PAIP2: variants seen among roughly 807,000 people sequenced by gnomAD.
PAIP2 encodes polyadenylate-binding protein-interacting protein 2.
PAIP2 carries 7 observed loss-of-function variants against 14.8 expected under a neutral mutation model. The observed-to-expected ratio is 0.47, with a 90% CI of 0.27 to 0.89. The LOEUF (loss-of-function observed/expected upper bound fraction) is 0.89. Ranked by LOEUF, PAIP2 falls within the 40% of genes least tolerant of loss-of-function variation. PAIP2 has a pLI of 0.13. For missense variants in PAIP2, 122 were observed against 154.7 expected (o/e 0.79, Z 1.12); for synonymous variants, 47 against 45.3 (o/e 1.04, Z -0.15).
chr5:139,353,695 A>T (rs867609435), intron 1 of PAIP2, among the ~76,000 whole-genome samples: 1 of 151,412 alleles, frequency 6.6e-6, no homozygotes, highest in South Asian at 2.1e-4. Context: ...ACATAGATTT[A>T]TAATTCTTAT....
intron 1 of PAIP2, among the ~76,000 whole-genome samples, chr5:139,360,708 C>T (rs1757043884): frequency 1.3e-5 from 2 of 152,114 alleles, no homozygotes; most frequent in Non-Finnish European, 1.5e-5. Flanking sequence ...AGCGATCCAC[C>T]CCTGTTGACC....
At chr5:139,348,288 G>C (rs1055687258) in intron 1 of PAIP2, among the ~76,000 whole-genome samples, 2 of 151,170 alleles carry the variant, frequency 1.3e-5, no homozygotes, top group African/African-American at 4.9e-5. Context: ...TCCCAGGCTC[G>C]AGCAATTCTC....
chr5:139,366,072 G>A (rs1169230322), intron 3 of PAIP2, among the ~76,000 whole-genome samples: 3 of 152,004 alleles, frequency 2.0e-5, no homozygotes, highest in African/African-American at 2.4e-5. Flanking sequence ...TTGTGGTGGT[G>A]CGTGCCTGTA....
At chr5:139,366,224 A>AT (rs1757243061) in intron 3 of PAIP2, among the ~76,000 whole-genome samples, 1 of 148,478 alleles carries the variant, frequency 6.7e-6, no homozygotes, top group Non-Finnish European at 1.5e-5. Flanking sequence ...AAAAAAAAAA[A>AT]GCGGGGTGGG....
At chr5:139,353,617 C>T (rs1029979112) in intron 1 of PAIP2, among the ~76,000 whole-genome samples, 1 of 151,998 alleles carries the variant, frequency 6.6e-6, no homozygotes, top group African/African-American at 2.4e-5. Flanking sequence ...AATGTAATTA[C>T]AAAATAATTA....
chr5:139,357,506 C>T (rs1028762458), intron 1 of PAIP2, among the ~76,000 whole-genome samples: 16 of 152,156 alleles, frequency 1.1e-4, no homozygotes, highest in African/African-American at 3.9e-4. Flanking sequence ...TTCAGGGAGC[C>T]AGGTCAAAAC....
intron 1 of PAIP2, among the ~76,000 whole-genome samples, chr5:139,357,019 A>G (rs1339178446): frequency 6.6e-6 from 1 of 152,116 alleles, no homozygotes; most frequent in Non-Finnish European, 1.5e-5. Context: ...GTTTAGTAAA[A>G]TTTGTATTCT....
chr5:139,354,638 T>TAC (rs1756852694), intron 1 of PAIP2, among the ~76,000 whole-genome samples: 1 of 152,168 alleles, frequency 6.6e-6, no homozygotes, highest in African/African-American at 2.4e-5. Context: ...CCATTGTATA[T>TAC]ATTTTGGCAC....
chr5:139,349,978 G>C (rs2152046683), intron 1 of PAIP2, among the ~76,000 whole-genome samples: 1 of 152,086 alleles, frequency 6.6e-6, no homozygotes, highest in East Asian at 1.9e-4. Context: ...CTCCAGCCTG[G>C]CGACAGAGTG....
At chr5:139,355,848 C>T (rs1276198389) in intron 1 of PAIP2, among the ~76,000 whole-genome samples, 1 of 150,832 alleles carries the variant, frequency 6.6e-6, no homozygotes, top group Non-Finnish European at 1.5e-5. Context: ...CACAGGGAGA[C>T]TCAGTCTCAA....
At chr5:139,354,099 A>G (rs141429825) in intron 1 of PAIP2, among the ~76,000 whole-genome samples, 154 of 152,332 alleles carry the variant, frequency 1.0e-3, no homozygotes, top group African/African-American at 3.4e-3. Context: ...GACTACCTGT[A>G]TAAGTTACTT....
At chr5:139,366,412 A>G (rs1323235951) in intron 3 of PAIP2, among the ~76,000 whole-genome samples, 1 of 152,198 alleles carries the variant, frequency 6.6e-6, no homozygotes. Context: ...CAGAGGATTT[A>G]TTATACAGCC....
chr5:139,343,708 GTTTTTT>G (rs61419083), intron 1 of PAIP2, among the ~76,000 whole-genome samples: 16 of 130,950 alleles, frequency 1.2e-4, no homozygotes, highest in African/African-American at 4.1e-4. Flanking sequence ...GGCAGAGCAA[GTTTTTT>G]TTTTTTTTTT....
chr5:139,363,379 A>G (rs186612567), intron 1 of PAIP2, among the ~76,000 whole-genome samples: 346 of 152,264 alleles, frequency 2.3e-3, no homozygotes, highest in African/African-American at 7.7e-3. Flanking sequence ...ATCTGCCTCT[A>G]ACACCTATTC....
intron 1 of PAIP2, among the ~76,000 whole-genome samples, chr5:139,351,621 C>A (rs953771913): frequency 6.6e-6 from 1 of 152,054 alleles, no homozygotes; most frequent in Admixed American, 6.6e-5. Context: ...ACGCTTTAGA[C>A]GTTTGTATAC....
intron 1 of PAIP2, among the ~76,000 whole-genome samples, chr5:139,360,968 G>GA (rs1561962851): frequency 6.6e-6 from 1 of 151,448 alleles, no homozygotes; most frequent in Non-Finnish European, 1.5e-5. Flanking sequence ...TTGTAGTAGA[G>GA]ATGGGGTTCT....
intron 1 of PAIP2, among the ~76,000 whole-genome samples, chr5:139,344,331 A>G (rs1030060873): frequency 6.6e-6 from 1 of 152,234 alleles, no homozygotes; most frequent in Admixed American, 6.5e-5. Flanking sequence ...ATTTGAACCT[A>G]CGTCTTCTGA....
chr5:139,359,577 T>C (rs1233312813), intron 1 of PAIP2, among the ~76,000 whole-genome samples: 1 of 152,186 alleles, frequency 6.6e-6, no homozygotes, highest in Non-Finnish European at 1.5e-5. Context: ...TTCCATCCAG[T>C]TGTGAGGCAG....
chr5:139,363,887 A>C lies in PAIP2; in HGVS notation c.103A>C (p.Met35Leu). 1 of 1,613,774 alleles carries C rather than the reference A, an allele frequency of 6.2e-7. No individual in the cohort carries two copies. Among genetic ancestry groups the C allele is most frequent in the Non-Finnish European group, 8.5e-7 (1 of 1,179,770 alleles). The change falls in exon 2 of 4, where the codon ATG (methionine) becomes CTG (leucine). Residue 35 changes from methionine (M) to leucine (L), a missense_variant. Around this residue, in one of 3 missense-constraint regions of PAIP2, gnomAD observed 34 missense variants for 74.0 expected, o/e 0.46. Coordinates refer to ENST00000265192, the MANE Select transcript of PAIP2 (RefSeq NM_016480.5). ...HEDDNPFAEY[M>L]WMENEEEFNR... is the part of the protein sequence containing the mutation. ...AGATGACAATCCATTTGCAGAGTAC[A>C]TGTGGATGGAAAATGAAGAAGAATT...
Sources: allele counts gnomAD v4.1 joint callset (sites outside exome capture counted in the v4.1 genomes callset), GRCh38; gene constraint gnomAD v4.1.1; regional missense constraint gnomAD v4.1.1; transcripts MANE v1.5; gene names NCBI Gene and HGNC (gene_info 2026-07-23, HGNC 2026-07-21).